Variants in TLK1 observed in about 807,000 individuals in gnomAD.
The protein encoded by TLK1 is tousled like kinase 1, also known as serine/threonine-protein kinase tousled-like 1.
TLK1 carries 24 observed loss-of-function variants against 105.3 expected under a neutral mutation model. The observed-to-expected ratio is 0.23, with a 90% CI of 0.17 to 0.32. The LOEUF is 0.32. TLK1 is among the 10% of genes least tolerant of loss of function. The pLI is 1.00. For synonymous variants in TLK1, 321 were observed against 310.4 expected (o/e 1.03, Z -0.36); for missense variants, 558 against 910.5 (o/e 0.61, Z 4.98).
intron 18 of TLK1, among the ~76,000 whole-genome samples, chr2:171,004,830 T>C (rs777476865): frequency 3.3e-5 from 5 of 152,326 alleles, no homozygotes; most frequent in Admixed American, 6.5e-5. Context: ...TTGAGAATAT[T>C]GACTTTCAGG....
intron 2 of TLK1, among the ~76,000 whole-genome samples, chr2:171,084,174 G>A (rs1688868168): frequency 6.6e-6 from 1 of 152,126 alleles, no homozygotes; most frequent in African/African-American, 2.4e-5. Context: ...ACAGATGTCT[G>A]ATAACCGAGA....
chr2:171,068,173 A>G (rs1458809778), intron 3 of TLK1, among the ~76,000 whole-genome samples: 1 of 152,008 alleles, frequency 6.6e-6, no homozygotes, highest in Non-Finnish European at 1.5e-5. Flanking sequence ...CTAAAAATAC[A>G]AAAAAATTAG....
rs1474994945 is a variant in TLK1, at chr2:171,134,462, G to A, written c.140-16605C>T. Reference sequence around the variant, plus strand: ...ATAGTTGGCTAACAACTTGACTAACGATTGGGCAAAGAATCTGAACAGACA... The same window carrying A: ...ATAGTTGGCTAACAACTTGACTAACAATTGGGCAAAGAATCTGAACAGACA... On this transcript the variant is annotated intron_variant, in intron 1 of 20. Coordinates refer to ENST00000431350, the MANE Select transcript of TLK1 (RefSeq NM_012290.5). Among the ~76,000 whole-genome samples, 6 of 152,234 alleles carry A rather than the reference G, an allele frequency of 3.9e-5. No individual in the cohort carries two copies. The South Asian group carries it at 1.2e-3, about 32-fold the overall frequency.
chr2:171,223,583 G>A (rs546383524), intron 1 of TLK1, among the ~76,000 whole-genome samples: 67 of 150,050 alleles, frequency 4.5e-4, no homozygotes, highest in African/African-American at 1.3e-3. Context: ...GAGTTCAAGC[G>A]ATTCTCCTGC....
chr2:171,110,119 C>T (rs1357643913), intron 2 of TLK1, among the ~76,000 whole-genome samples: 2 of 152,190 alleles, frequency 1.3e-5, no homozygotes, highest in Non-Finnish European at 2.9e-5. Flanking sequence ...GGTTATAATA[C>T]CTTTATTCCT....
At chr2:171,208,168 G>A (rs934483624) in intron 1 of TLK1, among the ~76,000 whole-genome samples, 1 of 151,628 alleles carries the variant, frequency 6.6e-6, no homozygotes, top group Non-Finnish European at 1.5e-5. Flanking sequence ...ATGTAATCCT[G>A]GGAAAGTATA....
intron 1 of TLK1, among the ~76,000 whole-genome samples, chr2:171,136,276 C>T (rs1219297397): frequency 6.6e-6 from 1 of 152,148 alleles, no homozygotes; most frequent in Non-Finnish European, 1.5e-5. Context: ...GTGAAACTTA[C>T]AGAGACAGAA....
intron 2 of TLK1, among the ~76,000 whole-genome samples, chr2:171,109,082 G>A (rs1690054081): frequency 6.6e-6 from 1 of 152,102 alleles, no homozygotes; most frequent in Non-Finnish European, 1.5e-5. Context: ...ACAGCAAGTA[G>A]AAATACATAA....
chr2:171,037,261 G>A (rs957872399), intron 11 of TLK1, among the ~76,000 whole-genome samples: 3 of 151,946 alleles, frequency 2.0e-5, no homozygotes, highest in Non-Finnish European at 1.5e-5. Context: ...GACCAACATG[G>A]AGAAACCCCA....
intron 4 of TLK1, among the ~76,000 whole-genome samples, chr2:171,058,789 A>C (rs1687617592): frequency 6.6e-6 from 1 of 152,196 alleles, no homozygotes; most frequent in Non-Finnish European, 1.5e-5. Context: ...TTGCTAAGAA[A>C]TACAATGTTT....
intron 2 of TLK1, chr2:171,091,633 G>A (rs1689235153): frequency 6.6e-6 from 1 of 152,078 alleles, no homozygotes; most frequent in African/African-American, 2.4e-5. Context: ...AGAAACAAAG[G>A]GGAAAATTAA....
intron 1 of TLK1, among the ~76,000 whole-genome samples, chr2:171,230,786 T>C (rs2105335627): frequency 6.6e-6 from 1 of 152,318 alleles, no homozygotes; most frequent in Middle Eastern, 3.4e-3. Flanking sequence ...TCAGAACTTT[T>C]GAACATGCTA....
intron 1 of TLK1, among the ~76,000 whole-genome samples, chr2:171,141,891 A>C (rs1691590608): frequency 6.6e-6 from 1 of 152,214 alleles, no homozygotes; most frequent in Non-Finnish European, 1.5e-5. Context: ...TTGAAGAAAA[A>C]AACTGAGTAT....
At chr2:171,157,981 G>C (rs1414453509) in intron 1 of TLK1, among the ~76,000 whole-genome samples, 1 of 152,084 alleles carries the variant, frequency 6.6e-6, no homozygotes, top group Non-Finnish European at 1.5e-5. Context: ...CAGTTAAAAA[G>C]CTTTCTAAAA....
chr2:171,053,537 A>AT (rs1231515278), intron 8 of TLK1, among the ~76,000 whole-genome samples: 1 of 152,006 alleles, frequency 6.6e-6, no homozygotes, highest in Non-Finnish European at 1.5e-5. Context: ...CAATTTTTGT[A>AT]TTTTTAGTAG....
At position 171,028,410 on chromosome 2, in the gene TLK1, C is replaced by A. The variant is rs1685880025; in HGVS notation, c.1170-5G>T. On this transcript the variant is annotated splice_polypyrimidine_tract_variant and splice_region_variant and intron_variant, in intron 11 of 20. Transcript: ENST00000431350. Reference sequence around the variant, plus strand: ...TGATATTCTGCCAAAGTCAACCTGTCAAAAATGAAATTTTAATTCTACATA... The same window carrying A: ...TGATATTCTGCCAAAGTCAACCTGTAAAAAATGAAATTTTAATTCTACATA... 6.3e-7 allele frequency: 1 copy of A among 1,596,034 alleles called. No homozygotes were observed. Among genetic ancestry groups the A allele is most frequent in the Non-Finnish European group, 8.6e-7 (1 of 1,165,878 alleles).
chr2:171,073,872 T>C (rs996567743), intron 3 of TLK1, among the ~76,000 whole-genome samples: 24 of 68,894 alleles, frequency 3.5e-4, no homozygotes, highest in Admixed American at 1.3e-3. Context: ...AACTTAACAT[T>C]CCCCCCCCCC....
chr2:171,223,879 A>G (rs1378187051), intron 1 of TLK1, among the ~76,000 whole-genome samples: 2 of 147,332 alleles, frequency 1.4e-5, no homozygotes, highest in Admixed American at 6.8e-5. Context: ...ATGGGTAGTT[A>G]TATGTTTTCC....
At chr2:171,032,618 C>G in intron 11 of TLK1, among the ~76,000 whole-genome samples, 1 of 152,072 alleles carries the variant, frequency 6.6e-6, no homozygotes, top group East Asian at 1.9e-4. Flanking sequence ...AAAAGATATC[C>G]TATGTCCACA....
Sources: allele counts gnomAD v4.1 joint callset (sites outside exome capture counted in the v4.1 genomes callset), GRCh38; gene constraint gnomAD v4.1.1; transcripts MANE v1.5; gene names NCBI Gene and HGNC (gene_info 2026-07-23, HGNC 2026-07-21).